Variants in ROR1 observed in about 807,000 individuals in gnomAD.
The protein encoded by ROR1 is inactive tyrosine-protein kinase transmembrane receptor ROR1.
ROR1 carries 19 observed loss-of-function variants against 78.8 expected under a neutral mutation model. The ratio of observed to expected loss-of-function variants is 0.24; its 90% CI spans 0.17 to 0.35. The LOEUF (loss-of-function observed/expected upper bound fraction) is 0.35, where lower values mean the gene tolerates loss of function less well. ROR1 is among the 10% of genes least tolerant of loss of function. The pLI, the probability that ROR1 is intolerant of heterozygous loss-of-function variation, is 1.00. For synonymous variants in ROR1, 386 were observed against 433.6 expected (o/e 0.89, Z 1.36); for missense variants, 917 against 1,177.8 (o/e 0.78, Z 3.24).
chr1:64,070,080 A>G (rs992032442), intron 4 of ROR1, among the ~76,000 whole-genome samples: 2 of 152,146 alleles, frequency 1.3e-5, no homozygotes, highest in Non-Finnish European at 2.9e-5. Context: ...GACATTTCAT[A>G]TAGGCAAATG....
chr1:63,797,638 G>A (rs1644769417), intron 1 of ROR1, among the ~76,000 whole-genome samples: 2 of 152,174 alleles, frequency 1.3e-5, no homozygotes. Flanking sequence ...AGTGAAACAA[G>A]CCCTTCTATG....
intron 4 of ROR1, among the ~76,000 whole-genome samples, chr1:64,092,093 TTCCCTCCCTCCC>T (rs60543147): frequency 1.4e-4 from 16 of 118,504 alleles, no homozygotes; most frequent in African/African-American, 2.4e-4. Context: ...GATGTAATTC[TTCCCTCCCTCCC>T]TCCCTCCCTC....
chr1:63,983,102 G>C (rs1296564848), intron 1 of ROR1, among the ~76,000 whole-genome samples: 2 of 152,158 alleles, frequency 1.3e-5, no homozygotes, highest in East Asian at 3.8e-4. Flanking sequence ...GACTTCAGCT[G>C]TAATAACTAA....
intron 1 of ROR1, among the ~76,000 whole-genome samples, chr1:63,898,761 T>TAA (rs1645461359): frequency 6.6e-6 from 1 of 151,970 alleles, no homozygotes; most frequent in Non-Finnish European, 1.5e-5. Flanking sequence ...GTAAGTTGTG[T>TAA]GGCGCCGTAC....
chr1:63,855,561 A>G (rs1040092520), intron 1 of ROR1, among the ~76,000 whole-genome samples: 2 of 150,786 alleles, frequency 1.3e-5, no homozygotes, highest in Admixed American at 6.6e-5. Context: ...ACTAATATTT[A>G]TCCTCTGCAA....
chr1:63,956,086 G>T (rs551919116), intron 1 of ROR1, among the ~76,000 whole-genome samples: 1 of 152,264 alleles, frequency 6.6e-6, no homozygotes, highest in Non-Finnish European at 1.5e-5. Context: ...CCCTGTTAGA[G>T]CATGTGCAGT....
chr1:64,177,452 T>C lies in ROR1; in HGVS notation c.1411T>C (p.Ser471Pro). The C allele has an allele frequency of 6.2e-7, 1 of 1,613,910 alleles. No homozygotes were observed. The highest frequency in any genetic ancestry group is 8.5e-7 in the Non-Finnish European group (1 of 1,179,948). ...GAGCAAGGCTAAAGAGCTACCTCTT[T>C]CTGCTGTACGCTTTATGGAAGAATT... Reference protein sequence around the residue: ...PKSKAKELPLSAVRFMEELGE... With the variant: ...PKSKAKELPLPAVRFMEELGE... The change falls in exon 9 of 9, where the codon TCT becomes CCT. Residue 471 changes from serine (S) to proline (P), a missense_variant. By Grantham distance (74) the Ser-to-Pro change is moderately conservative. Coordinates refer to ENST00000371079, the MANE Select transcript of ROR1 (RefSeq NM_005012.4).
At chr1:63,917,816 A>G (rs1557560525) in intron 1 of ROR1, among the ~76,000 whole-genome samples, 1 of 152,144 alleles carries the variant, frequency 6.6e-6, no homozygotes, top group African/African-American at 2.4e-5. Flanking sequence ...GTGGAGGCAA[A>G]TGTTGTTTTG....
chr1:63,916,006 C>T lies in ROR1; in HGVS notation c.92-93299C>T, dbSNP rs550805335. 5.3e-5 allele frequency among the ~76,000 whole-genome samples: 8 copies of T among 152,258 alleles called. No individual in the cohort carries two copies. The South Asian group carries it at 1.7e-3, about 32-fold the overall frequency. ...ACATGAATCTGTTCCTGGCACCTCTCTAGACACTCTAGAATGGTTCAGTTG... is the reference window on the plus strand; with the variant it reads ...ACATGAATCTGTTCCTGGCACCTCTTTAGACACTCTAGAATGGTTCAGTTG... On this transcript the variant is annotated intron_variant, in intron 1 of 8. Transcript: ENST00000371079.
At chr1:63,832,955 A>G (rs1456050607) in intron 1 of ROR1, among the ~76,000 whole-genome samples, 1 of 152,214 alleles carries the variant, frequency 6.6e-6, no homozygotes. Flanking sequence ...TTTTCTGATA[A>G]CCAGCCCCCC....
In ROR1 at chr1:64,051,472, TA is replaced by T. The variant is rs1162693218; in HGVS notation, c.482+760del. On this transcript the variant is annotated intron_variant, in intron 4 of 8. Transcript: ENST00000371079. ...CTCAAAAATAAAAAATAAAATAAAA[TA>T]AAATAAAATAAAATAAAATAAAATA... 3.8e-3 allele frequency among the ~76,000 whole-genome samples: 515 copies of T among 135,170 alleles called. 3 individuals are homozygous for T. The highest frequency in any genetic ancestry group is 0.015 in the African/African-American group (493 of 33,910). 88.7% of individuals were successfully genotyped at this position (135,170 alleles called of 152,430 possible).
intron 4 of ROR1, among the ~76,000 whole-genome samples, chr1:64,097,034 C>A (rs1174999580): frequency 6.6e-6 from 1 of 151,964 alleles, no homozygotes; most frequent in African/African-American, 2.4e-5. Context: ...ATGTTAGTTT[C>A]CTCATTTGCT....
chr1:63,840,996 G>A (rs986821062), intron 1 of ROR1, among the ~76,000 whole-genome samples: 1 of 152,160 alleles, frequency 6.6e-6, no homozygotes, highest in Admixed American at 6.5e-5. Context: ...ATAATGTTCT[G>A]CATTATCTCT....
At chr1:64,173,668 G>A (rs763908198) in intron 8 of ROR1, among the ~76,000 whole-genome samples, 9 of 152,200 alleles carry the variant, frequency 5.9e-5, no homozygotes, top group Non-Finnish European at 1.2e-4. Flanking sequence ...TAGGCGTTCT[G>A]TTTCCAAAGG....
In ROR1 at chr1:64,140,402, C is replaced by T. The variant is rs1310969798; in HGVS notation, c.904C>T (p.Pro302Ser). 1 of 1,613,810 alleles carries T rather than the reference C, an allele frequency of 6.2e-7. No homozygotes were observed. Among genetic ancestry groups the T allele is most frequent in the Admixed American group, 1.7e-5 (1 of 59,996 alleles). ...TGCGAACTGTATCCGGATTGGAATTCCCATGGCAGATCCTATAAATAAAAG... is the reference window on the plus strand; with the variant it reads ...TGCGAACTGTATCCGGATTGGAATTTCCATGGCAGATCCTATAAATAAAAG... The part of the protein sequence containing the change: ...EAANCIRIGI[P>S]MADPINKNHK... The change falls in exon 6 of 9, where the codon CCC becomes TCC. Residue 302 changes from proline to serine, a missense_variant. By Grantham distance (74) the Pro-to-Ser change is moderately conservative. This residue lies in a region of ROR1 where 835 missense variants were observed against 1,069.8 expected (regional missense o/e 0.78). Coordinates refer to ENST00000371079, the MANE Select transcript of ROR1 (RefSeq NM_005012.4).
intron 1 of ROR1, among the ~76,000 whole-genome samples, chr1:64,000,865 C>T (rs1238341224): frequency 6.6e-6 from 1 of 152,208 alleles, no homozygotes; most frequent in Non-Finnish European, 1.5e-5. Context: ...TCTGTTGTAC[C>T]TCTGATCACA....
intron 4 of ROR1, among the ~76,000 whole-genome samples, chr1:64,090,023 G>A (rs186739646): frequency 4.8e-4 from 73 of 152,236 alleles, no homozygotes; most frequent in Non-Finnish European, 9.1e-4. Flanking sequence ...CATGTAAGAT[G>A]TGCCTTTCAT....
At chr1:63,793,756 C>T (rs551434279) in intron 1 of ROR1, among the ~76,000 whole-genome samples, 1 of 152,312 alleles carries the variant, frequency 6.6e-6, no homozygotes, top group African/African-American at 2.4e-5. Flanking sequence ...CAGGTATATA[C>T]CTGTGTAGCT....
At chr1:64,050,891 C>T (rs976891710) in intron 4 of ROR1, among the ~76,000 whole-genome samples, 175 bp downstream of exon 4, 1 of 152,218 alleles carries the variant, frequency 6.6e-6, no homozygotes, top group East Asian at 1.9e-4. Context: ...CACAGGAGAC[C>T]ACCATTGGCA....
Sources: gnomAD v4.1 joint callset for allele counts (sites outside exome capture counted in the v4.1 genomes callset) on GRCh38, gnomAD v4.1.1 for gene constraint, gnomAD v4.1.1 regional missense constraint, MANE v1.5 for transcripts, NCBI Gene and HGNC (gene_info 2026-07-23, HGNC 2026-07-21) for gene names.